HEMK2: variants seen among roughly 807,000 people sequenced by gnomAD.
HEMK2 encodes methyltransferase HEMK2.
At chr21:28,876,272 C>A in the HEMK2 span, 1 of 686,378 alleles carries the variant, frequency 1.5e-6, no homozygotes, top group Non-Finnish European at 2.4e-6. Context: ...ACCTTTCTAC[C>A]TTTTTTTAAT....
At chr21:28,646,478 TAAC>T in the HEMK2 span, among the ~76,000 whole-genome samples, 15 of 152,224 alleles carry the variant, frequency 9.9e-5, no homozygotes, top group Non-Finnish European at 1.6e-4. Flanking sequence ...TTGACCCAAA[TAAC>T]TCTCTCATAA....
chr21:28,647,041 C>A, the HEMK2 span, among the ~76,000 whole-genome samples: 3 of 152,124 alleles, frequency 2.0e-5, no homozygotes, highest in Non-Finnish European at 4.4e-5. Context: ...TCGCTGCCAT[C>A]TTTTGAAAAT....
chr21:28,653,018 AC>A, the HEMK2 span, among the ~76,000 whole-genome samples: 3 of 151,914 alleles, frequency 2.0e-5, no homozygotes, highest in African/African-American at 7.3e-5. Context: ...ATTTGCATTA[AC>A]CCTCCCCTTA....
At chr21:28,633,968 C>T in the HEMK2 span, among the ~76,000 whole-genome samples, 2 of 152,126 alleles carry the variant, frequency 1.3e-5, no homozygotes, top group South Asian at 2.1e-4. Flanking sequence ...GAACAGGCTT[C>T]GGTTATCTAA....
chr21:28,597,231 C>G, the HEMK2 span, among the ~76,000 whole-genome samples: 1 of 152,066 alleles, frequency 6.6e-6, no homozygotes, highest in Non-Finnish European at 1.5e-5. Flanking sequence ...AATAGCACAT[C>G]AACAGGTGAA....
At chr21:28,633,150 C>T in the HEMK2 span, among the ~76,000 whole-genome samples, 1 of 152,164 alleles carries the variant, frequency 6.6e-6, no homozygotes, top group African/African-American at 2.4e-5. Flanking sequence ...GTACTTGCTC[C>T]AGGTGGCCTG....
chr21:28,701,425 A>G, the HEMK2 span, among the ~76,000 whole-genome samples: 1 of 152,138 alleles, frequency 6.6e-6, no homozygotes, highest in Non-Finnish European at 1.5e-5. Flanking sequence ...CCTTGATCTG[A>G]TAAACAACTT....
the HEMK2 span, among the ~76,000 whole-genome samples, chr21:28,751,316 G>A: frequency 6.6e-6 from 1 of 151,814 alleles, no homozygotes; most frequent in African/African-American, 2.4e-5. Context: ...TACTTCTAAG[G>A]GGTGTGGGTT....
At chr21:28,634,878 T>A in the HEMK2 span, among the ~76,000 whole-genome samples, 2 of 152,150 alleles carry the variant, frequency 1.3e-5, no homozygotes. Flanking sequence ...CTTGTGAAGG[T>A]TAGCTGTTAC....
the HEMK2 span, among the ~76,000 whole-genome samples, chr21:28,793,830 T>A: frequency 4.6e-5 from 7 of 152,110 alleles, no homozygotes; most frequent in African/African-American, 1.7e-4. Flanking sequence ...AAAGGCCATA[T>A]GAAGACAACA....
At chr21:28,772,577 T>C in the HEMK2 span, among the ~76,000 whole-genome samples, 79 of 152,334 alleles carry the variant, frequency 5.2e-4, 1 homozygote, top group Admixed American at 1.8e-3. Flanking sequence ...GTTATAAGTA[T>C]TGCCTCATTT....
the HEMK2 span, among the ~76,000 whole-genome samples, chr21:28,739,112 A>G: frequency 6.6e-6 from 1 of 152,160 alleles, no homozygotes; most frequent in Non-Finnish European, 1.5e-5. Context: ...ATTCACAGAT[A>G]CCCTTTTGAG....
At chr21:28,834,782 A>G in the HEMK2 span, among the ~76,000 whole-genome samples, 1 of 152,130 alleles carries the variant, frequency 6.6e-6, no homozygotes, top group Non-Finnish European at 1.5e-5. Context: ...CCACCTGGAA[A>G]TGAATGGGGA....
the HEMK2 span, among the ~76,000 whole-genome samples, chr21:28,703,652 C>A: frequency 6.6e-6 from 1 of 152,182 alleles, no homozygotes; most frequent in African/African-American, 2.4e-5. Flanking sequence ...GTGCTCTATC[C>A]ATGGGTCCAA....
At chr21:28,863,214 A>G in the HEMK2 span, among the ~76,000 whole-genome samples, 1 of 151,682 alleles carries the variant, frequency 6.6e-6, no homozygotes, top group South Asian at 2.1e-4. Flanking sequence ...AAGCAGGCAG[A>G]AAAATGTAAA....
the HEMK2 span, among the ~76,000 whole-genome samples, chr21:28,652,282 G>T: frequency 2.0e-5 from 3 of 152,064 alleles, no homozygotes; most frequent in Admixed American, 6.6e-5. Context: ...GGGAAATCCC[G>T]ATTAGCCTAA....
the HEMK2 span, among the ~76,000 whole-genome samples, chr21:28,622,886 A>G: frequency 5.3e-5 from 8 of 152,346 alleles, no homozygotes; most frequent in Admixed American, 5.2e-4. Flanking sequence ...AAACTCTAGA[A>G]GAAAACCTAG....
the HEMK2 span, among the ~76,000 whole-genome samples, chr21:28,831,470 A>AAGAAC: frequency 3.5e-3 from 132 of 37,452 alleles, no homozygotes; most frequent in East Asian, 0.011. Flanking sequence ...AACGAAAGAA[A>AAGAAC]GAAAGAAAGA....
chr21:28,726,082 T>G, the HEMK2 span, among the ~76,000 whole-genome samples: 71,041 of 151,936 alleles, frequency 0.47, 18,391 homozygotes, highest in East Asian at 0.84. Context: ...AGAACTTTAT[T>G]CTAATACAAT....
Sources: gnomAD v4.1 joint callset for allele counts (sites outside exome capture counted in the v4.1 genomes callset) on GRCh38, gnomAD v4.1.1 for gene constraint, MANE v1.5 for transcripts, NCBI Gene and HGNC (gene_info 2026-07-23, HGNC 2026-07-21) for gene names.